LRRC28: variants seen among roughly 807,000 people sequenced by gnomAD.
LRRC28 encodes the protein leucine rich repeat containing 28.
Under a neutral mutation model 45.7 loss-of-function variants are expected in LRRC28, and 39 were observed. The observed-to-expected ratio is 0.85, with a 90% CI of 0.66 to 1.12. LRRC28 has a LOEUF of 1.12. LRRC28 is among the 50% of genes most tolerant of loss of function. LRRC28 has a pLI of 0.00. For synonymous variants in LRRC28, 206 were observed against 178.8 expected (o/e 1.15, Z -1.22); for missense variants, 435 against 438.5 (o/e 0.99, Z 0.07).
intron 5 of LRRC28, among the ~76,000 whole-genome samples, chr15:99,300,607 A>G (rs1026965321): frequency 6.6e-6 from 1 of 152,166 alleles, no homozygotes; most frequent in Non-Finnish European, 1.5e-5. Context: ...TGGGTGGATC[A>G]CTTGAGGTCA....
Position 99,363,283 on chromosome 15 carries a change from G to A in LRRC28, c.1031+18G>A. On this transcript the variant is annotated intron_variant, in intron 9 of 9. Coordinates refer to ENST00000301981, the MANE Select transcript of LRRC28 (RefSeq NM_144598.5). ...CACCAGTGGTAATCATGCCTAAGTG[G>A]GCACCAGGGTTTACACCCAGGCAAG... The A allele has an allele frequency of 2.5e-6, 4 of 1,613,176 alleles. No individual in the cohort carries two copies. The highest frequency in any genetic ancestry group is 3.4e-6 in the Non-Finnish European group (4 of 1,179,576).
At chr15:99,278,116 C>T (rs1034541116) in intron 3 of LRRC28, among the ~76,000 whole-genome samples, 2 of 152,144 alleles carry the variant, frequency 1.3e-5, no homozygotes, top group South Asian at 4.1e-4. Context: ...TTGGAAAATA[C>T]AGATAGTGTT....
chr15:99,259,712 C>G, intron 2 of LRRC28: 4 of 1,421,864 alleles, frequency 2.8e-6, no homozygotes, highest in Non-Finnish European at 4.0e-6. Flanking sequence ...CATGCTTCGA[C>G]GAATTAAGGA....
At chr15:99,257,779 A>G (rs1341140090) in intron 2 of LRRC28, 1 of 778,050 alleles carries the variant, frequency 1.3e-6, no homozygotes, top group East Asian at 2.4e-5. Context: ...GAAGTAGTAC[A>G]GAGAGAGGAA....
intron 3 of LRRC28, among the ~76,000 whole-genome samples, chr15:99,280,415 A>G (rs1423711906): frequency 8.0e-6 from 1 of 125,150 alleles, no homozygotes; most frequent in African/African-American, 3.1e-5. Flanking sequence ...CCCCACCCCA[A>G]AGTCTTACAG....
intron 2 of LRRC28, among the ~76,000 whole-genome samples, chr15:99,273,626 A>G (rs766045534): frequency 3.9e-5 from 6 of 152,186 alleles, no homozygotes; most frequent in Admixed American, 6.5e-5. Context: ...CAATGTATCT[A>G]CTTGTTAATA....
At chr15:99,341,083 CTTTTTTTTTTTT>C (rs528372394) in intron 6 of LRRC28, among the ~76,000 whole-genome samples, 4 of 100,492 alleles carry the variant, frequency 4.0e-5, no homozygotes, top group Admixed American at 1.3e-4. Flanking sequence ...ATTCTACTGT[CTTTTTTTTTTTT>C]TTTTTTTTTT....
chr15:99,345,360 A>G (rs1205462694), intron 6 of LRRC28, among the ~76,000 whole-genome samples: 1 of 152,188 alleles, frequency 6.6e-6, no homozygotes, highest in Non-Finnish European at 1.5e-5. Flanking sequence ...ACGCAGTTTT[A>G]TTTTGAAAAA....
At chr15:99,328,909 G>C (rs971644931) in intron 5 of LRRC28, among the ~76,000 whole-genome samples, 2 of 149,830 alleles carry the variant, frequency 1.3e-5, no homozygotes, top group South Asian at 2.1e-4. Flanking sequence ...CTTCAGACTG[G>C]GACTGAGCCA....
At position 99,295,801 on chromosome 15, in the gene LRRC28, A is replaced by G. The variant is rs575032612; in HGVS notation, c.385+7850A>G. Among the ~76,000 whole-genome samples the G allele has an allele frequency of 7.2e-5, 11 of 152,392 alleles. No homozygotes were observed. The East Asian group carries it at 2.1e-3, about 29-fold the overall frequency. On this transcript the variant is annotated intron_variant, in intron 5 of 9. Transcript: ENST00000301981. Reference sequence around the variant, plus strand: ...ATGGCTGAAAGTATGCACAGACAGAAATGTGTACCACATATAACCAGCATG... The same window carrying G: ...ATGGCTGAAAGTATGCACAGACAGAGATGTGTACCACATATAACCAGCATG...
intron 3 of LRRC28, chr15:99,286,643 ACTTAGGCTTGT>A (rs2081967648): frequency 6.6e-6 from 1 of 152,280 alleles, no homozygotes; most frequent in African/African-American, 2.4e-5. Context: ...GAAAATTGTT[ACTTAGGCTTGT>A]CTAGACTTCT....
intron 6 of LRRC28, among the ~76,000 whole-genome samples, chr15:99,344,969 CCTT>C (rs1215820828): frequency 4.6e-5 from 7 of 152,146 alleles, no homozygotes; most frequent in Non-Finnish European, 7.3e-5. Flanking sequence ...TCTTAACTGG[CCTT>C]CTTCTACTGT....
At chr15:99,324,442 C>G (rs930777138) in intron 5 of LRRC28, among the ~76,000 whole-genome samples, 3 of 151,820 alleles carry the variant, frequency 2.0e-5, no homozygotes, top group Admixed American at 2.0e-4. Context: ...TTAGTGGTAC[C>G]GGAAAAAGCA....
rs74033473 is a variant in LRRC28, at chr15:99,362,084, A to G, written c.871+573A>G. On this transcript the variant is annotated intron_variant, in intron 8 of 9. Transcript: ENST00000301981. ...AAGGATTTGGCCGTGCACAGATTTGATAGGTATTGTGGGTGTATGTCTGAA... is the reference window on the plus strand; with the variant it reads ...AAGGATTTGGCCGTGCACAGATTTGGTAGGTATTGTGGGTGTATGTCTGAA... Among the ~76,000 whole-genome samples the G allele has an allele frequency of 5.8e-3, 880 of 152,300 alleles. 3 individuals are homozygous for G. The highest frequency in any genetic ancestry group is 0.02 in the African/African-American group (820 of 41,564).
chr15:99,253,406 C>G (rs1260058287), intron 1 of LRRC28, among the ~76,000 whole-genome samples: 2 of 152,208 alleles, frequency 1.3e-5, no homozygotes, highest in African/African-American at 4.8e-5. Flanking sequence ...CAGGCGTGAG[C>G]CACTGCGCCC....
chr15:99,297,509 G>A (rs371680499), intron 5 of LRRC28, among the ~76,000 whole-genome samples: 2 of 148,802 alleles, frequency 1.3e-5, no homozygotes, highest in African/African-American at 5.0e-5. Flanking sequence ...AGTGATCCTC[G>A]TGCTTTGGCC....
chr15:99,378,916 T>C (rs185333604), intron 9 of LRRC28, among the ~76,000 whole-genome samples: 6 of 152,306 alleles, frequency 3.9e-5, no homozygotes, highest in Admixed American at 3.3e-4. Flanking sequence ...GATAAGCTTC[T>C]TGATGTGCTG....
chr15:99,379,494 C>G (rs1042854712), intron 9 of LRRC28, among the ~76,000 whole-genome samples: 5 of 152,114 alleles, frequency 3.3e-5, no homozygotes, highest in Admixed American at 1.3e-4. Flanking sequence ...AAAACCAGCT[C>G]CTGGATTGAT....
chr15:99,339,101 A>G (rs1956419871), intron 6 of LRRC28, among the ~76,000 whole-genome samples: 1 of 133,848 alleles, frequency 7.5e-6, no homozygotes, highest in Non-Finnish European at 1.6e-5. Context: ...TAACTCAGAG[A>G]ACTGCAACTC....
Sources: gnomAD v4.1 joint callset for allele counts (sites outside exome capture counted in the v4.1 genomes callset) on GRCh38, gnomAD v4.1.1 for gene constraint, MANE v1.5 for transcripts, NCBI Gene and HGNC (gene_info 2026-07-23, HGNC 2026-07-21) for gene names.